The following FKRP variants were observed in gnomAD, a reference collection of about 807,000 sequenced individuals.
FKRP encodes the protein fukutin related protein.
A neutral mutation model predicts 30.6 loss-of-function variants in FKRP; 25 were observed. That is an observed-to-expected ratio of 0.82 (90% CI 0.60 to 1.14). The LOEUF (loss-of-function observed/expected upper bound fraction) is 1.14. FKRP is among the 50% of genes most tolerant of loss of function. The pLI, the probability that FKRP is intolerant of heterozygous loss-of-function variation, is 0.00. For missense variants in FKRP, 771 were observed against 727.8 expected (o/e 1.06, Z -0.68); for synonymous variants, 358 against 342.5 (o/e 1.05, Z -0.50).
chr19:46,750,608 C>T (rs1018986340), intron 3 of FKRP, among the ~76,000 whole-genome samples: 6 of 152,188 alleles, frequency 3.9e-5, no homozygotes, highest in Non-Finnish European at 7.4e-5. Context: ...TCACTGCAGC[C>T]TCCACCTCCT....
At chr19:46,754,898 G>A (rs1031991557) in intron 3 of FKRP, among the ~76,000 whole-genome samples, 18 of 151,934 alleles carry the variant, frequency 1.2e-4, no homozygotes, top group Non-Finnish European at 1.2e-4. Flanking sequence ...AAGCCACCGC[G>A]CCCAGCCTAA....
chr19:46,746,275 G>C (rs1187626427), intron 1 of FKRP, 185 bp downstream of exon 1: 2 of 1,456,690 alleles, frequency 1.4e-6, no homozygotes, highest in Non-Finnish European at 1.8e-6. Context: ...GCCCGGGGCT[G>C]CCTCCGCCGC....
chr19:46,755,301 G>A, intron 3 of FKRP, 111 bp from the exon 4 acceptor site: 7 of 746,458 alleles, frequency 9.4e-6, no homozygotes, highest in Non-Finnish European at 1.3e-5. Flanking sequence ...ACCAAATAGG[G>A]AAAAGAAAGG....
chr19:46,756,599 C>T lies in FKRP; in HGVS notation c.1149C>T (p.Ala383=), dbSNP rs1489899957. The change falls in exon 4 of 4, where the codon GCC becomes GCT. Residue 383 remains alanine (A), a synonymous_variant. Coordinates refer to ENST00000318584, the MANE Select transcript of FKRP (RefSeq NM_024301.5). This position sits in a 1 kb window ranked among gnomAD's most constrained non-coding sequence, Gnocchi z 6.6. The stretch of plus-strand genomic sequence containing the variant: ...GCGAGCAGCTGCGGGGGGCAGAGGC[C>T]GGCTCGGTGGTGGATGAGCGCGGCT... ...GNCEQLRGAE[A]GSVVDERGFV... is the part of the protein sequence containing the mutation. The T allele has an allele frequency of 1.2e-6, 2 of 1,610,836 alleles. No individual in the cohort carries two copies. The highest frequency in any genetic ancestry group is 2.2e-5 in the South Asian group (2 of 90,482).
chr19:46,753,563 G>T (rs747889352), intron 3 of FKRP, among the ~76,000 whole-genome samples: 1 of 151,732 alleles, frequency 6.6e-6, no homozygotes, highest in Non-Finnish European at 1.5e-5. Context: ...AGGGTGGAAT[G>T]GGGGGCAGAC....
chr19:46,751,818 C>T (rs530562566), intron 3 of FKRP, among the ~76,000 whole-genome samples: 3 of 152,182 alleles, frequency 2.0e-5, no homozygotes, highest in East Asian at 3.9e-4. Flanking sequence ...CTGCCCACCT[C>T]GCCCTCCCAA....
intron 3 of FKRP, among the ~76,000 whole-genome samples, chr19:46,750,751 ACTC>A (rs746387918): frequency 6.7e-6 from 1 of 150,316 alleles, no homozygotes; most frequent in African/African-American, 2.5e-5. Flanking sequence ...CTGGTGTTGA[ACTC>A]CTGAGCTCAA....
chr19:46,746,470 C>T (rs2054627439), intron 1 of FKRP: 1 of 973,162 alleles, frequency 1.0e-6, no homozygotes, highest in Non-Finnish European at 1.2e-6. Context: ...CTGTGCCTCG[C>T]GCGCCTGCGC....
At position 46,756,766 on chromosome 19, in the gene FKRP, T is replaced by A. The variant is rs754002921; in HGVS notation, c.1316T>A (p.Val439Glu). The change falls in exon 4 of 4, where the codon GTG (valine) becomes GAG (glutamate). Residue 439 changes from valine to glutamate, a missense_variant. Coordinates refer to ENST00000318584, the MANE Select transcript of FKRP (RefSeq NM_024301.5). The surrounding 1 kb of genome is among the most constrained non-coding windows in gnomAD (Gnocchi z 6.6). ...ACGTGGCTGGACCACCGGCAGGATG[T>A]GGAGTTTCCCGAGCACTTCCTGCAG... is the stretch of plus-strand genomic sequence containing the variant. ...KDTWLDHRQDVEFPEHFLQPL... is the reference protein window; with the variant it reads ...KDTWLDHRQDEEFPEHFLQPL... 2 of 1,604,830 alleles carry A rather than the reference T, an allele frequency of 1.2e-6. No homozygotes were observed. Among genetic ancestry groups the A allele is most frequent in the Non-Finnish European group, 1.7e-6 (2 of 1,176,270 alleles).
chr19:46,755,420 G>A lies in FKRP; in HGVS notation c.-31G>A, dbSNP rs757098777. ...TCGTCCCCCTCCCCCAGGATGCCCCGGAGGCCCAGCTAGCCCCAGACTTCG... is the reference window on the plus strand; with the variant it reads ...TCGTCCCCCTCCCCCAGGATGCCCCAGAGGCCCAGCTAGCCCCAGACTTCG... On this transcript the variant is annotated 5_prime_UTR_variant, in exon 4 of 4. Coordinates refer to ENST00000318584, the MANE Select transcript of FKRP (RefSeq NM_024301.5). 1.8e-5 allele frequency: 29 copies of A among 1,588,146 alleles called. No homozygotes were observed. Among genetic ancestry groups the A allele is most frequent in the Non-Finnish European group, 2.3e-5 (27 of 1,173,288 alleles).
rs1249694833 is a variant in FKRP at position 46,756,484 on chromosome 19, G to C, written c.1034G>C (p.Gly345Ala). 2 of 1,545,842 alleles carry C rather than the reference G, an allele frequency of 1.3e-6. No homozygotes were observed. The highest frequency in any genetic ancestry group is 1.2e-5 in the South Asian group (1 of 83,132). ...GGCGTGCGCTACTGGCTCGAGGGCGGCTCACTGCTGGGGGCCGCCCGCCAC... is the reference window on the plus strand; with the variant it reads ...GGCGTGCGCTACTGGCTCGAGGGCGCCTCACTGCTGGGGGCCGCCCGCCAC... ...AAGVRYWLEG[G>A]SLLGAARHGD... The change falls in exon 4 of 4, where the codon GGC becomes GCC. Residue 345 changes from glycine (G) to alanine (A), a missense_variant. Transcript: ENST00000318584. The surrounding 1 kb of genome is among the most constrained non-coding windows in gnomAD (Gnocchi z 6.6).
At position 46,748,636 on chromosome 19, in the gene FKRP, T is replaced by A. The variant is rs896241226; in HGVS notation, c.-69T>A. 6.6e-6 allele frequency: 1 copy of A among 152,152 alleles called. No individual in the cohort carries two copies. The highest frequency in any genetic ancestry group is 2.4e-5 in the African/African-American group (1 of 41,422). The allele number at this position is 152,152 out of a possible 1,614,324, so 9.4% of individuals were successfully genotyped here. A position where few individuals can be genotyped will look rare whatever the true frequency, so the allele number is the denominator to read the frequency against. ...TGGAGAGACAAGTAAACTCTCAGAG[T>A]AACTGTCCCCTCTGACTACCATTTC... On this transcript the variant is annotated 5_prime_UTR_variant, in exon 3 of 4. Transcript: ENST00000318584.
Position 46,756,426 on chromosome 19 carries a change from G to A in FKRP, c.976G>A (p.Ala326Thr), listed in dbSNP as rs1201873802. 2 of 1,581,596 alleles carry A rather than the reference G, an allele frequency of 1.3e-6. No homozygotes were observed. The highest frequency in any genetic ancestry group is 1.7e-6 in the Non-Finnish European group (2 of 1,164,416). The change falls in exon 4 of 4, where the codon GCC becomes ACC. Residue 326 changes from alanine (A) to threonine (T), a missense_variant. By Grantham distance (58) the Ala-to-Thr change is moderately conservative. Transcript: ENST00000318584. The surrounding 1 kb of genome is among the most constrained non-coding windows in gnomAD (Gnocchi z 6.6). ...CTGCCTGCGCGCGCTGCGCGAGACC[G>A]CCCGCTATGTGGTGGGCGTGCTGGA... Reference protein sequence around the residue: ...PCCLRALRETARYVVGVLEAA... With the variant: ...PCCLRALRETTRYVVGVLEAA...
rs748928675 is a variant in FKRP at position 46,755,853 on chromosome 19, G to T, written c.403G>T (p.Ala135Ser). 1 of 1,491,076 alleles carries T rather than the reference G, an allele frequency of 6.7e-7. No individual in the cohort carries two copies. Among genetic ancestry groups the T allele is most frequent in the Non-Finnish European group, 8.9e-7 (1 of 1,123,346 alleles). The allele number at this position is 1,491,076 out of a possible 1,614,324, so 92.4% of individuals were successfully genotyped here. The change falls in exon 4 of 4, where the codon GCT becomes TCT. Residue 135 changes from alanine to serine, a missense_variant. By Grantham distance (99) the Ala-to-Ser change is moderately conservative. Coordinates refer to ENST00000318584, the MANE Select transcript of FKRP (RefSeq NM_024301.5). ...GGCCCTAGTACCTGATGGGGCGCGG[G>T]CTGAGGCACCTGGCCTGCTGGAGCG... is the stretch of plus-strand genomic sequence containing the variant. ...FVALVPDGAR[A>S]EAPGLLERMV...
Position 46,756,956 on chromosome 19 carries a change from C to T in FKRP, c.*18C>T, listed in dbSNP as rs2054942719. The T allele has an allele frequency of 3.1e-6, 5 of 1,611,964 alleles. No individual in the cohort carries two copies. Among genetic ancestry groups the T allele is most frequent in the Non-Finnish European group, 4.2e-6 (5 of 1,179,668 alleles). ...GCGGCTGAAGCCCTGATAACCTCGC[C>T]TTTGTTTTTCGGGGGTCTGTCTGGA... is the stretch of plus-strand genomic sequence containing the variant. On this transcript the variant is annotated 3_prime_UTR_variant, in exon 4 of 4. Transcript: ENST00000318584. The surrounding 1 kb of genome is among the most constrained non-coding windows in gnomAD (Gnocchi z 6.6).
chr19:46,756,304 A>G lies in FKRP; in HGVS notation c.854A>G (p.Glu285Gly). ...GTGAGCTGGGAAGGCGGGCGGCTGG[A>G]GTGGTTCGGCTGCAACAAGGAGACC... ...RLVSWEGGRL[E>G]WFGCNKETTR... The change falls in exon 4 of 4, where the codon GAG becomes GGG. Residue 285 changes from glutamate (E) to glycine (G), a missense_variant. By Grantham distance (98) the Glu-to-Gly change is moderately conservative. Coordinates refer to ENST00000318584, the MANE Select transcript of FKRP (RefSeq NM_024301.5). The surrounding 1 kb of genome is among the most constrained non-coding windows in gnomAD (Gnocchi z 6.6). The G allele has an allele frequency of 1.3e-6, 2 of 1,542,908 alleles. No homozygotes were observed. The highest frequency in any genetic ancestry group is 1.7e-6 in the Non-Finnish European group (2 of 1,149,220).
Position 46,756,359 on chromosome 19 carries a change from C to A in FKRP, c.909C>A (p.Asp303Glu). Residue 303 changes from aspartate to glutamate, a missense_variant, in exon 4 of 4, where the codon GAC becomes GAA. By Grantham distance (45) the Asp-to-Glu change is conservative. Coordinates refer to ENST00000318584, the MANE Select transcript of FKRP (RefSeq NM_024301.5). This position sits in a 1 kb window ranked among gnomAD's most constrained non-coding sequence, Gnocchi z 6.6. ...GCTGCTTCGGAACCGTGGTGGGCGACACGCCCGCCTACCTCTACGAGGAGC... is the reference window on the plus strand; with the variant it reads ...GCTGCTTCGGAACCGTGGTGGGCGAAACGCCCGCCTACCTCTACGAGGAGC... ...TTRCFGTVVGDTPAYLYEERW... is the reference protein window; with the variant it reads ...TTRCFGTVVGETPAYLYEERW... 2 of 1,559,328 alleles carry A rather than the reference C, an allele frequency of 1.3e-6. No individual in the cohort carries two copies. The highest frequency in any genetic ancestry group is 1.7e-6 in the Non-Finnish European group (2 of 1,154,648).
rs2054908828 is a variant in FKRP, at chr19:46,756,009, G to A, written c.559G>A (p.Ala187Thr). 4 of 1,564,888 alleles carry A rather than the reference G, an allele frequency of 2.6e-6. No individual in the cohort carries two copies. Among genetic ancestry groups the A allele is most frequent in the Non-Finnish European group, 2.6e-6 (3 of 1,164,378 alleles). Residue 187 changes from alanine (A) to threonine (T), a missense_variant, in exon 4 of 4, where the codon GCC (alanine) becomes ACC (threonine). Transcript: ENST00000318584. The surrounding 1 kb of genome is among the most constrained non-coding windows in gnomAD (Gnocchi z 6.6). The part of the protein sequence containing the change: ...EWTARYGAAP[A>T]APRCDALDGD... ...GACCGCCCGCTATGGCGCAGCCCCC[G>A]CCGCGCCCCGCTGCGACGCCCTGGA... is the stretch of plus-strand genomic sequence containing the variant.
At chr19:46,751,253 G>A (rs1296375459) in intron 3 of FKRP, among the ~76,000 whole-genome samples, 2 of 151,824 alleles carry the variant, frequency 1.3e-5, no homozygotes, top group Non-Finnish European at 2.9e-5. Context: ...TTGTAGAGAT[G>A]GCATCTTACT....
Sources: allele counts gnomAD v4.1 joint callset (sites outside exome capture counted in the v4.1 genomes callset), GRCh38; gene constraint gnomAD v4.1.1; non-coding constraint Gnocchi (gnomAD v3.1); transcripts MANE v1.5; gene names NCBI Gene and HGNC (gene_info 2026-07-23, HGNC 2026-07-21).